Variants in CROT observed in about 807,000 individuals in gnomAD.
The protein encoded by CROT is peroxisomal carnitine O-octanoyltransferase.
CROT carries 84 observed loss-of-function variants against 89.2 expected under a neutral mutation model. The observed-to-expected ratio is 0.94, with a 90% confidence interval of 0.79 to 1.13. The LOEUF (loss-of-function observed/expected upper bound fraction) is 1.13. Among genes scored for constraint, CROT ranks in the 50% most tolerant of loss-of-function variants. CROT has a pLI of 0.00. For missense variants in CROT, 711 were observed against 727.8 expected (o/e 0.98, Z 0.27); for synonymous variants, 212 against 239.5 (o/e 0.89, Z 1.06).
chr7:87,377,521 T>G, intron 10 of CROT, 71 bp downstream of exon 10: 1 of 898,402 alleles, frequency 1.1e-6, no homozygotes, highest in Non-Finnish European at 1.8e-6. Context: ...CCATAAATAC[T>G]TGTGCTGGGG....
rs549782479 is a variant in CROT at position 87,361,411 on chromosome 7, G to A, written c.262G>A (p.Val88Ile). 6 of 1,613,378 alleles carry A rather than the reference G, an allele frequency of 3.7e-6. No individual in the cohort carries two copies. In the East Asian group the frequency reaches 1.1e-4, roughly 30 times the overall value. Residue 88 changes from valine (V) to isoleucine (I), a missense_variant, in exon 5 of 18, where the codon GTT (valine) becomes ATT (isoleucine). Physicochemically the swap from Val to Ile is conservative, Grantham distance 29. Coordinates refer to ENST00000331536, the MANE Select transcript of CROT (RefSeq NM_021151.4). ...TTAGCTGGAAGAGTGGTGGCTGAAT[G>A]TTGCCTATCTGGATGTTCGTATACC... ...RNWLEEWWLN[V>I]AYLDVRIPSQ...
At chr7:87,362,316 T>C (rs1302148264) in intron 6 of CROT, among the ~76,000 whole-genome samples, 1 of 150,772 alleles carries the variant, frequency 6.6e-6, no homozygotes, top group African/African-American at 2.4e-5. Context: ...TTTTTTTTTT[T>C]TTTTTTTGTT....
chr7:87,367,261 G>A (rs986416019), intron 6 of CROT, among the ~76,000 whole-genome samples: 3 of 152,196 alleles, frequency 2.0e-5, no homozygotes, highest in Non-Finnish European at 4.4e-5. Context: ...AGAGATGGAA[G>A]TATGAGAAGG....
chr7:87,395,402 C>T (rs115038698), intron 17 of CROT, among the ~76,000 whole-genome samples: 590 of 152,338 alleles, frequency 3.9e-3, no homozygotes, highest in African/African-American at 0.013. Flanking sequence ...CTGTCTCAGA[C>T]ACACCCAGGA....
At chr7:87,355,736 G>T (rs917573172) in intron 3 of CROT, among the ~76,000 whole-genome samples, 1 of 152,098 alleles carries the variant, frequency 6.6e-6, no homozygotes, top group Non-Finnish European at 1.5e-5. Context: ...ACTCAAATAG[G>T]TTATCCAACT....
At chr7:87,354,999 CTAAA>C (rs1380763314) in intron 3 of CROT, among the ~76,000 whole-genome samples, 1 of 152,082 alleles carries the variant, frequency 6.6e-6, no homozygotes, top group Non-Finnish European at 1.5e-5. Flanking sequence ...TCTCTCTTTC[CTAAA>C]TAATCAGTCA....
At chr7:87,387,334 A>G (rs1807213645) in intron 13 of CROT, among the ~76,000 whole-genome samples, 1 of 152,032 alleles carries the variant, frequency 6.6e-6, no homozygotes. Context: ...AATTATCAGT[A>G]AATTTGTGTT....
At chr7:87,387,072 C>CT (rs1486567697) in intron 13 of CROT, among the ~76,000 whole-genome samples, 6 of 151,742 alleles carry the variant, frequency 4.0e-5, no homozygotes, top group Non-Finnish European at 7.4e-5. Flanking sequence ...TGGTCTGTTT[C>CT]TCTTACCTTC....
chr7:87,375,572 G>A, intron 7 of CROT, 60 bp from the exon 8 acceptor site: 3 of 1,285,916 alleles, frequency 2.3e-6, no homozygotes, highest in Non-Finnish European at 3.4e-6. Flanking sequence ...ACCTTTTAAA[G>A]GCCAAAGTAG....
At chr7:87,375,780 T>C (rs1294941885) in intron 8 of CROT, 48 bp from the exon 9 acceptor site, 2 of 1,612,102 alleles carry the variant, frequency 1.2e-6, no homozygotes, top group Non-Finnish European at 1.7e-6. Flanking sequence ...TCTTTTGATG[T>C]ATTGTATTTC....
intron 6 of CROT, among the ~76,000 whole-genome samples, chr7:87,363,352 A>G (rs1463950393): frequency 1.3e-5 from 2 of 152,210 alleles, no homozygotes; most frequent in Non-Finnish European, 2.9e-5. Flanking sequence ...TTCAAATAAG[A>G]TTAGTAACTA....
At chr7:87,357,573 C>A in intron 3 of CROT, 2 of 1,312,484 alleles carry the variant, frequency 1.5e-6, no homozygotes, top group Non-Finnish European at 2.2e-6. Context: ...TTGGATCTCA[C>A]GCGGGAAGGA....
At chr7:87,367,914 A>G (rs1263755816) in intron 6 of CROT, among the ~76,000 whole-genome samples, 1 of 151,906 alleles carries the variant, frequency 6.6e-6, no homozygotes, top group Non-Finnish European at 1.5e-5. Context: ...CCTTCTCTTC[A>G]CCCTTGTAAT....
At chr7:87,385,703 T>G (rs1264224379) in intron 13 of CROT, among the ~76,000 whole-genome samples, 4 of 152,192 alleles carry the variant, frequency 2.6e-5, no homozygotes, top group Non-Finnish European at 5.9e-5. Flanking sequence ...GGCTAGGACT[T>G]CCAATACTAT....
intron 3 of CROT, among the ~76,000 whole-genome samples, chr7:87,357,011 G>A (rs961557934): frequency 6.6e-6 from 1 of 152,162 alleles, no homozygotes; most frequent in Admixed American, 6.5e-5. Context: ...GATAGAGCGA[G>A]ACTCTGTCTC....
rs1807326054 is a variant in CROT at position 87,390,534 on chromosome 7, ACAG to A, written c.1302-1054_1302-1052del. On this transcript the variant is annotated intron_variant, in intron 13 of 17. Coordinates refer to ENST00000331536, the MANE Select transcript of CROT (RefSeq NM_021151.4). ...CACTCCAGAGAGACAGAAACACTGAACAGAAGAGGCTTGAAAACTGTTTGAGCC... is the reference window on the plus strand; with the variant it reads ...CACTCCAGAGAGACAGAAACACTGAAAAGAGGCTTGAAAACTGTTTGAGCC... 2.0e-5 allele frequency among the ~76,000 whole-genome samples: 3 copies of A among 152,194 alleles called. No homozygotes were observed. In the South Asian group the frequency reaches 6.2e-4, roughly 32 times the overall value.
At chr7:87,394,636 T>C (rs1807466199) in intron 17 of CROT, among the ~76,000 whole-genome samples, 2 of 152,108 alleles carry the variant, frequency 1.3e-5, no homozygotes, top group Non-Finnish European at 2.9e-5. Flanking sequence ...CAAAATGCCT[T>C]TTGATCTCCA....
intron 3 of CROT, among the ~76,000 whole-genome samples, chr7:87,350,735 A>T (rs766663837): frequency 6.6e-6 from 1 of 152,138 alleles, no homozygotes; most frequent in Non-Finnish European, 1.5e-5. Flanking sequence ...CACTTTGATT[A>T]GTTAAGACCA....
At chr7:87,391,969 T>TTCTAA (rs1395048959) in intron 14 of CROT, among the ~76,000 whole-genome samples, 2 of 152,230 alleles carry the variant, frequency 1.3e-5, no homozygotes, top group African/African-American at 4.8e-5. Flanking sequence ...ATTTCAGGAC[T>TTCTAA]TCTAATCTAC....
Sources: gnomAD v4.1 joint callset for allele counts (sites outside exome capture counted in the v4.1 genomes callset) on GRCh38, gnomAD v4.1.1 for gene constraint, MANE v1.5 for transcripts, NCBI Gene and HGNC (gene_info 2026-07-23, HGNC 2026-07-21) for gene names.